The following TMEM260 variants were observed in gnomAD, a reference collection of about 807,000 sequenced individuals.
TMEM260 encodes transmembrane protein 260, also known as protein O-mannosyl-transferase TMEM260.
A neutral mutation model predicts 88.9 loss-of-function variants in TMEM260; 82 were observed. That is an observed-to-expected ratio of 0.92 (90% CI 0.77 to 1.11). The LOEUF is 1.11. TMEM260 is among the 50% of genes least tolerant of loss of function. The pLI is 0.00. For synonymous variants in TMEM260, 314 were observed against 309.3 expected (o/e 1.02, Z -0.16); for missense variants, 902 against 853.4 (o/e 1.06, Z -0.71).
At chr14:56,605,529 G>A (rs369707939) in intron 4 of TMEM260, 41 bp from the exon 5 acceptor site, 1 of 1,139,010 alleles carries the variant, frequency 8.8e-7, no homozygotes, top group Non-Finnish European at 1.2e-6. Flanking sequence ...AGAGTTTTAG[G>A]TGAATTTTTT....
At chr14:56,647,165 C>A in intron 15 of TMEM260, 78 bp from the exon 16 acceptor site, 1 of 1,459,166 alleles carries the variant, frequency 6.9e-7, no homozygotes, top group Non-Finnish European at 9.1e-7. Flanking sequence ...GTTATTAATT[C>A]CTCTGTGTTT....
At chr14:56,588,154 T>A (rs1885627856) in intron 3 of TMEM260, among the ~76,000 whole-genome samples, 1 of 152,092 alleles carries the variant, frequency 6.6e-6, no homozygotes, top group Non-Finnish European at 1.5e-5. Flanking sequence ...CATTTTGTTG[T>A]TGAATATTGA....
intron 12 of TMEM260, among the ~76,000 whole-genome samples, chr14:56,632,339 T>C (rs1888672622): frequency 6.6e-6 from 1 of 152,174 alleles, no homozygotes; most frequent in Non-Finnish European, 1.5e-5. Context: ...CCCACACTCT[T>C]GGAAGCACAA....
intron 1 of TMEM260, among the ~76,000 whole-genome samples, chr14:56,583,987 C>CG (rs1885309104): frequency 8.2e-6 from 1 of 122,016 alleles, no homozygotes; most frequent in African/African-American, 3.2e-5. Flanking sequence ...GCAATCCAGC[C>CG]TTTTGTGTGT....
In TMEM260 at chr14:56,633,045, A is replaced by G. The variant is rs758938663; in HGVS notation, c.1598A>G (p.Lys533Arg). The G allele has an allele frequency of 1.6e-5, 26 of 1,613,882 alleles. No homozygotes were observed. Among genetic ancestry groups the G allele is most frequent in the Non-Finnish European group, 2.0e-5 (24 of 1,179,980 alleles). ...IGIHEGDPTW[K>R]KNYSLWPWGS... is the part of the protein sequence containing the mutation. ...ATTCATGAAGGCGACCCAACCTGGA[A>G]AAAGAACTATTCACTTTGGCCATGG... Residue 533 changes from lysine to arginine, a missense_variant, in exon 13 of 16, where the codon AAA becomes AGA. Coordinates refer to ENST00000261556, the MANE Select transcript of TMEM260 (RefSeq NM_017799.4).
chr14:56,655,283 C>T (rs550702019), downstream of TMEM260, among the ~76,000 whole-genome samples: 75 of 151,162 alleles, frequency 5.0e-4, no homozygotes, highest in Non-Finnish European at 8.9e-4. Flanking sequence ...CCAGCTACTC[C>T]GAAGGCTGAG....
At chr14:56,637,300 G>A (rs1889178467) in intron 15 of TMEM260, among the ~76,000 whole-genome samples, 1 of 152,226 alleles carries the variant, frequency 6.6e-6, no homozygotes, top group African/African-American at 2.4e-5. Flanking sequence ...GGCTACACTT[G>A]AAATGATAGG....
chr14:56,612,151 A>G (rs1887319368), intron 6 of TMEM260, 94 bp from the exon 7 acceptor site: 1 of 1,285,146 alleles, frequency 7.8e-7, no homozygotes, highest in South Asian at 1.2e-5. Context: ...TTGTTTTAAG[A>G]AAACCCGAAT....
chr14:56,597,063 T>C (rs1411445806), intron 3 of TMEM260, among the ~76,000 whole-genome samples: 1 of 152,124 alleles, frequency 6.6e-6, no homozygotes, highest in Admixed American at 6.6e-5. Context: ...TATCCTAGTC[T>C]TAGAGAAAAT....
chr14:56,629,955 T>C (rs937234830), intron 12 of TMEM260, among the ~76,000 whole-genome samples: 2 of 151,942 alleles, frequency 1.3e-5, no homozygotes, highest in Non-Finnish European at 2.9e-5. Flanking sequence ...GTGGGAAGAT[T>C]GTTTGAATGC....
At chr14:56,591,111 A>G (rs189406668) in intron 3 of TMEM260, among the ~76,000 whole-genome samples, 2 of 152,344 alleles carry the variant, frequency 1.3e-5, no homozygotes, top group African/African-American at 4.8e-5. Flanking sequence ...CTCAATTACA[A>G]AAACTTAAAA....
At position 56,615,757 on chromosome 14, in the gene TMEM260, C is replaced by T. The variant is rs541734949; in HGVS notation, c.858-187C>T. 749 of 521,478 alleles carry T rather than the reference C, an allele frequency of 1.4e-3. 6 individuals are homozygous for T. The highest frequency in any genetic ancestry group is 0.012 in the African/African-American group (658 of 52,684). 32.3% of individuals were successfully genotyped at this position (521,478 alleles called of 1,614,324 possible). Reference sequence around the variant, plus strand: ...ATAACCAAATGTTACCATTGGAAAACGTCTTGGAACTATTTAAGTCTTTCT... The same window carrying T: ...ATAACCAAATGTTACCATTGGAAAATGTCTTGGAACTATTTAAGTCTTTCT... On this transcript the variant is annotated intron_variant, in intron 7 of 15. Coordinates refer to ENST00000261556, the MANE Select transcript of TMEM260 (RefSeq NM_017799.4).
At chr14:56,584,860 A>G (rs549060237) in intron 1 of TMEM260, 141 bp from the exon 2 acceptor site, 4 of 635,068 alleles carry the variant, frequency 6.3e-6, no homozygotes, top group African/African-American at 3.7e-5. Flanking sequence ...AGACTATTTC[A>G]TGCTGTTAAA....
At chr14:56,612,467 A>G in intron 7 of TMEM260, 182 bp downstream of exon 7, 1 of 603,144 alleles carries the variant, frequency 1.7e-6, no homozygotes, top group Admixed American at 3.0e-5. Flanking sequence ...GGTATTGGTT[A>G]CAGGAACTCC....
At chr14:56,595,286 C>CT (rs987667759) in intron 3 of TMEM260, among the ~76,000 whole-genome samples, 67 of 151,622 alleles carry the variant, frequency 4.4e-4, no homozygotes, top group Admixed American at 2.2e-3. Flanking sequence ...GCACGTTCAA[C>CT]TTTTTTTTTC....
chr14:56,647,134 C>A lies in TMEM260; in HGVS notation c.1870-109C>A, dbSNP rs1890014588. The A allele has an allele frequency of 2.5e-6, 3 of 1,207,794 alleles. No homozygotes were observed. The Admixed American group carries it at 8.5e-5, about 34-fold the overall frequency. 74.8% of individuals were successfully genotyped at this position (1,207,794 alleles called of 1,614,324 possible). A position where few individuals can be genotyped will look rare whatever the true frequency, so the allele number is the denominator to read the frequency against. On this transcript the variant is annotated intron_variant, in intron 15 of 15. Coordinates refer to ENST00000261556, the MANE Select transcript of TMEM260 (RefSeq NM_017799.4). The stretch of plus-strand genomic sequence containing the variant: ...GCAATGATTAGATTTTTACTGGAGG[C>A]TGCTTGAATTTTTTTTTCTTGTTAT...
chr14:56,654,075 G>A (rs766780989), downstream of TMEM260, among the ~76,000 whole-genome samples: 4 of 152,152 alleles, frequency 2.6e-5, no homozygotes, highest in Non-Finnish European at 5.9e-5. Context: ...CAACTATGTT[G>A]CAGGAAATTA....
In TMEM260 at chr14:56,617,199, T is replaced by C. The variant is rs1310249419; in HGVS notation, c.958T>C (p.Ser320Pro). The change falls in exon 9 of 16, where the codon TCA (serine) becomes CCA (proline). Residue 320 changes from serine (S) to proline (P), a missense_variant. Ser to Pro is a moderately conservative substitution (Grantham distance 74, BLOSUM62 -1). Transcript: ENST00000261556. ...TTTTTGTAGGGACAGACAGAATCCATCATTAGTATGGCTTTTTACTGGAAT... is the reference window on the plus strand; with the variant it reads ...TTTTTGTAGGGACAGACAGAATCCACCATTAGTATGGCTTTTTACTGGAAT... ...CLATKDRQNP[S>P]LVWLFTGMFC... 1 of 1,595,934 alleles carries C rather than the reference T, an allele frequency of 6.3e-7. No homozygotes were observed. The highest frequency in any genetic ancestry group is 1.3e-5 in the African/African-American group (1 of 74,256).
chr14:56,617,352 A>G, intron 9 of TMEM260, 55 bp downstream of exon 9: 1 of 1,175,884 alleles, frequency 8.5e-7, no homozygotes. Flanking sequence ...GAATGTGCAA[A>G]TTTGCATTTC....
Sources: allele counts gnomAD v4.1 joint callset (sites outside exome capture counted in the v4.1 genomes callset), GRCh38; gene constraint gnomAD v4.1.1; transcripts MANE v1.5; gene names NCBI Gene and HGNC (gene_info 2026-07-23, HGNC 2026-07-21).